Variants in LONRF2 observed in about 807,000 individuals in gnomAD.
The protein encoded by LONRF2 is LON peptidase N-terminal domain and ring finger 2, also known as LON peptidase N-terminal domain and RING finger protein 2.
LONRF2 carries 35 observed loss-of-function variants against 66.6 expected under a neutral mutation model. The ratio of observed to expected loss-of-function variants is 0.53; its 90% CI spans 0.40 to 0.70. The LOEUF (loss-of-function observed/expected upper bound fraction) is 0.70, where lower values mean the gene tolerates loss of function less well. Among genes scored for constraint, LONRF2 ranks in the 30% least tolerant of loss-of-function variants. The probability of loss-of-function intolerance (pLI) is 0.00; values close to 1 mark genes in which losing one functional copy is unlikely to be tolerated. For missense variants in LONRF2, 902 were observed against 1,002.1 expected, an observed-to-expected ratio of 0.90 and a Z score of 1.35; for synonymous variants, 417 against 418.1, an observed-to-expected ratio of 1.00 and a Z score of 0.03.
chr2:100,293,300 G>T (rs940236563), intron 9 of LONRF2, among the ~76,000 whole-genome samples: 2 of 152,096 alleles, frequency 1.3e-5, no homozygotes, highest in Non-Finnish European at 2.9e-5. Context: ...TCTCCATAAA[G>T]GTCCTACACA....
intron 7 of LONRF2, among the ~76,000 whole-genome samples, chr2:100,296,766 T>C (rs1280468718): frequency 1.3e-5 from 2 of 152,142 alleles, no homozygotes. Context: ...TAATAAATGG[T>C]TTATGATGTC....
At position 100,273,514 on chromosome 2, in the gene LONRF2, A is replaced by G. The variant is rs1365625917; in HGVS notation, c.*10784T>C. The G allele has an allele frequency of 6.6e-6, 1 of 152,250 alleles. No homozygotes were observed. Among genetic ancestry groups the G allele is most frequent in the Non-Finnish European group, 1.5e-5 (1 of 68,052 alleles). 9.4% of individuals were successfully genotyped at this position (152,250 alleles called of 1,614,324 possible). On this transcript the variant is annotated 3_prime_UTR_variant, in exon 12 of 12. Coordinates refer to ENST00000393437, the MANE Select transcript of LONRF2 (RefSeq NM_198461.4). ...TAGATATACAATACCAATTAATTGA[A>G]ATGAACAGTACAAGAATACATGAAG...
chr2:100,302,629 T>A (rs1160333272), intron 3 of LONRF2, among the ~76,000 whole-genome samples: 1 of 152,200 alleles, frequency 6.6e-6, no homozygotes, highest in Non-Finnish European at 1.5e-5. Context: ...TTATGAAGCT[T>A]CTACACAAAC....
intron 2 of LONRF2, among the ~76,000 whole-genome samples, chr2:100,305,360 C>T (rs1675271002): frequency 6.6e-6 from 1 of 152,084 alleles, no homozygotes; most frequent in Admixed American, 6.5e-5. Flanking sequence ...CACATGACGA[C>T]TTCACTCCTT....
rs1675637748 is a variant in LONRF2, at chr2:100,321,821, C to A, written c.273G>T (p.Arg91=). 2 of 1,104,790 alleles carry A rather than the reference C, an allele frequency of 1.8e-6. No individual in the cohort carries two copies. The highest frequency in any genetic ancestry group is 2.2e-6 in the Non-Finnish European group (2 of 908,048). The allele number at this position is 1,104,790 out of a possible 1,614,324, so 68.4% of individuals were successfully genotyped here. A position where few individuals can be genotyped will look rare whatever the true frequency, so the allele number is the denominator to read the frequency against. The part of the protein sequence containing the change: ...FRGAARLGAL[R]PEELEELAGG... Reference sequence around the variant, plus strand: ...CCGCCAGCTCTTCCAGCTCCTCCGGCCGCAGCGCCCCGAGCCGCGCGGCGC... The same window carrying A: ...CCGCCAGCTCTTCCAGCTCCTCCGGACGCAGCGCCCCGAGCCGCGCGGCGC... The change falls in exon 1 of 12, where the codon CGG becomes CGT. Residue 91 remains arginine (R), a synonymous_variant. Coordinates refer to ENST00000393437, the MANE Select transcript of LONRF2 (RefSeq NM_198461.4).
At chr2:100,310,272 C>T (rs1559181775) in intron 1 of LONRF2, among the ~76,000 whole-genome samples, 1 of 152,218 alleles carries the variant, frequency 6.6e-6, no homozygotes, top group Non-Finnish European at 1.5e-5. Flanking sequence ...ATTTTCCATA[C>T]TGTGGGGCCT....
At position 100,281,926 on chromosome 2, in the gene LONRF2, T is replaced by G. The variant is rs1045248976; in HGVS notation, c.*2372A>C. On this transcript the variant is annotated 3_prime_UTR_variant, in exon 12 of 12. Transcript: ENST00000393437. ...TTTGTAAGGGAGGCTTCCTTCATGA[T>G]ATGACCGTAGGATGCTGTCACCCTG... 1 of 151,780 alleles carries G rather than the reference T, an allele frequency of 6.6e-6. No homozygotes were observed. The highest frequency in any genetic ancestry group is 1.5e-5 in the Non-Finnish European group (1 of 67,952). 9.4% of individuals were successfully genotyped at this position (151,780 alleles called of 1,614,324 possible).
In LONRF2 at chr2:100,322,170, C is replaced by T. The variant is rs1312214829; in HGVS notation, c.-77G>A. 8.7e-7 allele frequency: 1 copy of T among 1,151,798 alleles called. No individual in the cohort carries two copies. Among genetic ancestry groups the T allele is most frequent in the Non-Finnish European group, 1.1e-6 (1 of 935,184 alleles). The allele number at this position is 1,151,798 out of a possible 1,614,324, so 71.3% of individuals were successfully genotyped here. On this transcript the variant is annotated 5_prime_UTR_variant, in exon 1 of 12. Transcript: ENST00000393437. The stretch of plus-strand genomic sequence containing the variant: ...GGATGCGCTGCTGCTGGGAACTGGC[C>T]GGCGGGAGCGCGGTCTCAGCCCTCG...
intron 2 of LONRF2, among the ~76,000 whole-genome samples, chr2:100,304,674 C>A (rs1946799): frequency 0.54 from 78,034 of 144,132 alleles, 21,529 homozygotes; most frequent in East Asian, 0.77. Context: ...TCCAGGCTGG[C>A]GTGCAGTGGT....
At position 100,275,623 on chromosome 2, in the gene LONRF2, G is replaced by C. The variant is rs1674585200; in HGVS notation, c.*8675C>G. On this transcript the variant is annotated 3_prime_UTR_variant, in exon 12 of 12. Coordinates refer to ENST00000393437, the MANE Select transcript of LONRF2 (RefSeq NM_198461.4). ...ATTCCTCAATCCGGTGGGATGCAAA[G>C]GATCTATCCATAGAGACCAGTGGCT... 6.6e-6 allele frequency: 1 copy of C among 152,172 alleles called. No individual in the cohort carries two copies. Among genetic ancestry groups the C allele is most frequent in the Non-Finnish European group, 1.5e-5 (1 of 68,046 alleles). The allele number at this position is 152,172 out of a possible 1,614,324, so 9.4% of individuals were successfully genotyped here.
chr2:100,295,279 A>C (rs1482705863), intron 8 of LONRF2, among the ~76,000 whole-genome samples, 153 bp downstream of exon 8: 1 of 152,228 alleles, frequency 6.6e-6, no homozygotes, highest in Non-Finnish European at 1.5e-5. Flanking sequence ...AACTGCTTGC[A>C]ATTATGTTTC....
intron 11 of LONRF2, among the ~76,000 whole-genome samples, chr2:100,285,767 A>G (rs1373946682): frequency 6.6e-6 from 1 of 152,196 alleles, no homozygotes; most frequent in African/African-American, 2.4e-5. Context: ...TCTCCCCCAC[A>G]ACCTCCAAAG....
Position 100,319,120 on chromosome 2 carries a change from T to TAAA in LONRF2, c.679+2292_679+2294dup, listed in dbSNP as rs10658854. ...CTGGTGACAGAGCAAGACTCCGTCT[T>TAAA]AAAAAAAAAAAAAAAAGTCAGAGCT... On this transcript the variant is annotated intron_variant, in intron 1 of 11. Coordinates refer to ENST00000393437, the MANE Select transcript of LONRF2 (RefSeq NM_198461.4). Among the ~76,000 whole-genome samples, 795 of 140,442 alleles carry TAAA rather than the reference T, an allele frequency of 5.7e-3. 16 individuals are homozygous for TAAA. Among genetic ancestry groups the TAAA allele is most frequent in the African/African-American group, 0.016 (632 of 38,352 alleles). The allele number at this position is 140,442 out of a possible 152,430, so 92.1% of individuals were successfully genotyped here.
intron 4 of LONRF2, 115 bp from the exon 5 acceptor site, chr2:100,300,033 A>T: frequency 1.6e-6 from 1 of 611,660 alleles, no homozygotes; most frequent in Non-Finnish European, 2.8e-6. Context: ...GGGGGCATAC[A>T]CTCTTCTTCA....
At position 100,277,710 on chromosome 2, in the gene LONRF2, G is replaced by A. The variant is rs1413769356; in HGVS notation, c.*6588C>T. 3 of 152,186 alleles carry A rather than the reference G, an allele frequency of 2.0e-5. No individual in the cohort carries two copies. The highest frequency in any genetic ancestry group is 4.4e-5 in the Non-Finnish European group (3 of 68,048). 9.4% of individuals were successfully genotyped at this position (152,186 alleles called of 1,614,324 possible). ...AAACGGAACCCAAAAAACAACGCATGTGGCCAAAGTTAGGCAGTCGTCTTA... is the reference window on the plus strand; with the variant it reads ...AAACGGAACCCAAAAAACAACGCATATGGCCAAAGTTAGGCAGTCGTCTTA... On this transcript the variant is annotated 3_prime_UTR_variant, in exon 12 of 12. Coordinates refer to ENST00000393437, the MANE Select transcript of LONRF2 (RefSeq NM_198461.4).
rs553593152 is a variant in LONRF2 at position 100,275,234 on chromosome 2, T to C, written c.*9064A>G. The C allele has an allele frequency of 6.6e-6, 1 of 152,418 alleles. No individual in the cohort carries two copies. Among genetic ancestry groups the C allele is most frequent in the East Asian group, 1.9e-4 (1 of 5,190 alleles). The allele number at this position is 152,418 out of a possible 1,614,324, so 9.4% of individuals were successfully genotyped here. ...GGTATAATTGTATAATTGGATGCACTGGGTCCCTCTGAATTCCCTACCTGG... is the reference window on the plus strand; with the variant it reads ...GGTATAATTGTATAATTGGATGCACCGGGTCCCTCTGAATTCCCTACCTGG... On this transcript the variant is annotated 3_prime_UTR_variant, in exon 12 of 12. Transcript: ENST00000393437.
chr2:100,310,681 G>A (rs990459380), intron 1 of LONRF2, among the ~76,000 whole-genome samples: 1 of 152,220 alleles, frequency 6.6e-6, no homozygotes, highest in Non-Finnish European at 1.5e-5. Flanking sequence ...ATTATTAAGA[G>A]AGACATTGCT....
At position 100,321,986 on chromosome 2, in the gene LONRF2, C is replaced by G; in HGVS notation, c.108G>C (p.Ala36=). ...RLEEGDEAFR[A]GDYEMAAELF... ...GCTCGGCTGCCATCTCGTAGTCGCC[C>G]GCGCGGAAGGCCTCGTCGCCCTCCT... is the stretch of plus-strand genomic sequence containing the variant. The change falls in exon 1 of 12, where the codon GCG becomes GCC. Residue 36 remains alanine (A), a synonymous_variant. Transcript: ENST00000393437. 2.7e-6 allele frequency: 4 copies of G among 1,464,464 alleles called. No individual in the cohort carries two copies. The highest frequency in any genetic ancestry group is 1.3e-5 in the South Asian group (1 of 76,438). 90.7% of individuals were successfully genotyped at this position (1,464,464 alleles called of 1,614,324 possible). A position where few individuals can be genotyped will look rare whatever the true frequency, so the allele number is the denominator to read the frequency against.
intron 2 of LONRF2, among the ~76,000 whole-genome samples, chr2:100,307,281 A>G (rs1260147068): frequency 6.6e-6 from 1 of 152,190 alleles, no homozygotes; most frequent in African/African-American, 2.4e-5. Context: ...TCTGTCAAGA[A>G]TTGAGGTCCA....
Sources: allele counts gnomAD v4.1 joint callset (sites outside exome capture counted in the v4.1 genomes callset), GRCh38; gene constraint gnomAD v4.1.1; transcripts MANE v1.5; gene names NCBI Gene and HGNC (gene_info 2026-07-23, HGNC 2026-07-21).